DCAF6: variants seen among roughly 807,000 people sequenced by gnomAD.
DCAF6 encodes the protein DDB1 and CUL4 associated factor 6.
In DCAF6, 54 loss-of-function variants were observed where a neutral mutation model predicts 125.1. The observed-to-expected ratio is 0.43, with a 90% CI of 0.35 to 0.54. The LOEUF is 0.54. Ranked by LOEUF, DCAF6 falls within the 20% of genes least tolerant of loss-of-function variation. The pLI is 0.01. For synonymous variants in DCAF6, 371 were observed against 390.4 expected (o/e 0.95, Z 0.58); for missense variants, 934 against 1,161.7 (o/e 0.80, Z 2.85).
the DCAF6 span, chr1:167,918,357 T>C: frequency 2.6e-6 from 4 of 1,534,890 alleles, no homozygotes; most frequent in East Asian, 2.3e-5. Context: ...TTCTTGGTTA[T>C]ATCTATAAAG....
the DCAF6 span, among the ~76,000 whole-genome samples, chr1:167,877,048 A>T: frequency 6.6e-6 from 1 of 151,662 alleles, no homozygotes; most frequent in Non-Finnish European, 1.5e-5. Flanking sequence ...GATCAATTGA[A>T]CCCCACATTT....
intron 16 of DCAF6, among the ~76,000 whole-genome samples, chr1:168,046,805 T>C (rs1689199585): frequency 1.3e-5 from 2 of 152,144 alleles, no homozygotes; most frequent in South Asian, 4.1e-4. Context: ...CTAGATTCTA[T>C]AATTAAGCTT....
chr1:168,023,171 T>C, intron 12 of DCAF6, 124 bp downstream of exon 12: 1 of 986,952 alleles, frequency 1.0e-6, no homozygotes, highest in South Asian at 1.4e-5. Context: ...CAGTATTTTG[T>C]GGACCAAATT....
At chr1:167,969,509 A>G (rs535902217) in intron 3 of DCAF6, among the ~76,000 whole-genome samples, 1 of 152,350 alleles carries the variant, frequency 6.6e-6, no homozygotes, top group Admixed American at 6.5e-5. Context: ...AAAACATGGT[A>G]TTAGCAGTCC....
At chr1:167,924,832 T>G in the DCAF6 span, among the ~76,000 whole-genome samples, 2 of 152,202 alleles carry the variant, frequency 1.3e-5, no homozygotes, top group African/African-American at 4.8e-5. Flanking sequence ...TTGATTCTAA[T>G]GTACTTTCAT....
At chr1:168,042,863 T>C (rs1362998189) in intron 13 of DCAF6, 162 bp from the exon 14 acceptor site, 1 of 535,306 alleles carries the variant, frequency 1.9e-6, no homozygotes, top group African/African-American at 1.9e-5. Flanking sequence ...ATAGTCATCT[T>C]GATTTGTTTG....
At chr1:168,005,627 T>C (rs1285942763) in intron 10 of DCAF6, among the ~76,000 whole-genome samples, 1 of 152,196 alleles carries the variant, frequency 6.6e-6, no homozygotes, top group Non-Finnish European at 1.5e-5. Context: ...GAAATATAGC[T>C]GGCAGGCCTA....
At chr1:167,882,399 C>T in the DCAF6 span, among the ~76,000 whole-genome samples, 5 of 149,040 alleles carry the variant, frequency 3.4e-5, no homozygotes, top group African/African-American at 7.4e-5. Context: ...TCAAGAGAAT[C>T]GCTTGAACCC....
chr1:168,045,042 T>C lies in DCAF6; in HGVS notation c.2073T>C (p.Thr691=). The C allele has an allele frequency of 6.2e-7, 1 of 1,614,076 alleles. No individual in the cohort carries two copies. Among genetic ancestry groups the C allele is most frequent in the Non-Finnish European group, 8.5e-7 (1 of 1,179,962 alleles). Residue 691 remains threonine (T), a synonymous_variant, in exon 16 of 22, where the codon ACT becomes ACC. Coordinates refer to ENST00000367840, the MANE Select transcript of DCAF6 (RefSeq NM_001198956.2). ...KAKEPETSDQ[T]STESATNENN... ...AGGAACCAGAAACTTCAGATCAGAC[T>C]AGCACTGAGAGTGCTACCAATGAAA...
intron 2 of DCAF6, among the ~76,000 whole-genome samples, chr1:167,953,620 A>T (rs1674318644): frequency 1.3e-5 from 2 of 152,174 alleles, no homozygotes; most frequent in South Asian, 4.1e-4. Context: ...TTATTCTTTG[A>T]TATGGGGTCT....
chr1:167,982,522 T>C (rs1217973358), intron 4 of DCAF6, among the ~76,000 whole-genome samples: 1 of 152,172 alleles, frequency 6.6e-6, no homozygotes, highest in East Asian at 1.9e-4. Context: ...ATTACAGGCA[T>C]GACATTTTTT....
intron 1 of DCAF6, among the ~76,000 whole-genome samples, chr1:167,941,798 AT>A (rs1249782343): frequency 1.3e-5 from 2 of 152,238 alleles, no homozygotes; most frequent in African/African-American, 4.8e-5. Flanking sequence ...GTGAAACTTC[AT>A]GTACATCTTG....
At chr1:167,998,462 T>C (rs1473349003) in intron 7 of DCAF6, among the ~76,000 whole-genome samples, 2 of 152,124 alleles carry the variant, frequency 1.3e-5, no homozygotes, top group Admixed American at 6.6e-5. Context: ...CGATAGACTC[T>C]TCCTTTCATA....
chr1:168,046,373 C>T (rs570029064), intron 16 of DCAF6, among the ~76,000 whole-genome samples: 49 of 152,214 alleles, frequency 3.2e-4, no homozygotes, highest in African/African-American at 1.1e-3. Flanking sequence ...GTAAGAATGA[C>T]TCTAGGGATA....
intron 5 of DCAF6, among the ~76,000 whole-genome samples, chr1:167,990,471 A>G (rs1003273270): frequency 2.6e-5 from 4 of 152,248 alleles, no homozygotes; most frequent in Non-Finnish European, 5.9e-5. Flanking sequence ...AAGTGGACCA[A>G]TAATAGCAGG....
intron 13 of DCAF6, 60 bp from the exon 14 acceptor site, chr1:168,042,965 T>TC (rs1206763585): frequency 7.2e-6 from 9 of 1,257,044 alleles, no homozygotes; most frequent in Non-Finnish European, 1.0e-5. Context: ...AATATAAAAA[T>TC]CCTAAAAGAT....
intron 1 of DCAF6, among the ~76,000 whole-genome samples, chr1:167,943,859 G>A (rs1340856156): frequency 1.3e-5 from 2 of 151,406 alleles, no homozygotes; most frequent in Middle Eastern, 3.2e-3. Flanking sequence ...TTTTTTTTGA[G>A]ATGGAGTCTC....
chr1:167,918,350 T>C, the DCAF6 span: 1 of 1,555,878 alleles, frequency 6.4e-7, no homozygotes, highest in African/African-American at 1.4e-5. Flanking sequence ...CTTTTAGTTC[T>C]TGGTTATATC....
intron 3 of DCAF6, among the ~76,000 whole-genome samples, chr1:167,968,049 A>C (rs1468623683): frequency 6.6e-6 from 1 of 151,996 alleles, no homozygotes; most frequent in Admixed American, 6.6e-5. Context: ...TTGTATCTTT[A>C]AGTCTTTTAA....
Sources: allele counts gnomAD v4.1 joint callset (sites outside exome capture counted in the v4.1 genomes callset), GRCh38; gene constraint gnomAD v4.1.1; transcripts MANE v1.5; gene names NCBI Gene and HGNC (gene_info 2026-07-23, HGNC 2026-07-21).